Variants in CDCA8 observed in about 807,000 individuals in gnomAD.
The protein encoded by CDCA8 is borealin.
CDCA8 carries 25 observed loss-of-function variants against 40.0 expected under a neutral mutation model. The ratio of observed to expected loss-of-function variants is 0.63; its 90% CI spans 0.46 to 0.87. The LOEUF is 0.87. Among genes scored for constraint, CDCA8 ranks in the 40% least tolerant of loss-of-function variants. The pLI is 0.00. For missense variants in CDCA8, 280 were observed against 348.4 expected, an observed-to-expected ratio of 0.80 and a Z score of 1.56; for synonymous variants, 111 against 126.5, an observed-to-expected ratio of 0.88 and a Z score of 0.82.
At chr1:37,693,849 C>T (rs1453392170) in intron 2 of CDCA8, among the ~76,000 whole-genome samples, 1 of 152,102 alleles carries the variant, frequency 6.6e-6, no homozygotes, top group Non-Finnish European at 1.5e-5. Context: ...TAAAAATGGG[C>T]GCATCAGGCT....
chr1:37,698,896 T>C lies in CDCA8; in HGVS notation c.265-9T>C. The C allele has an allele frequency of 6.2e-7, 1 of 1,607,868 alleles. No homozygotes were observed. The highest frequency in any genetic ancestry group is 8.5e-7 in the Non-Finnish European group (1 of 1,174,504). ...TAAGCCTGGTGCTTTCTGGCTATGT[T>C]TGTCATAGGCTGACCTGGATATCAC... On this transcript the variant is annotated splice_polypyrimidine_tract_variant and intron_variant, in intron 3 of 9. Coordinates refer to ENST00000373055, the MANE Select transcript of CDCA8 (RefSeq NM_001256875.2).
rs1349815078 is a variant in CDCA8 at position 37,709,091 on chromosome 1, A to C, written c.*725A>C. 1 of 152,236 alleles carries C rather than the reference A, an allele frequency of 6.6e-6. No individual in the cohort carries two copies. The highest frequency in any genetic ancestry group is 1.5e-5 in the Non-Finnish European group (1 of 68,122). The allele number at this position is 152,236 out of a possible 1,614,324, so 9.4% of individuals were successfully genotyped here. ...CAGTGTTTTATGTTTATCCCTGTTT[A>C]CTGAAGACCAAATACTGGTTTGGAG... On this transcript the variant is annotated 3_prime_UTR_variant, in exon 10 of 10. Coordinates refer to ENST00000373055, the MANE Select transcript of CDCA8 (RefSeq NM_001256875.2).
At chr1:37,693,423 C>T (rs770113314) in intron 2 of CDCA8, among the ~76,000 whole-genome samples, 1 of 152,172 alleles carries the variant, frequency 6.6e-6, no homozygotes, top group African/African-American at 2.4e-5. Flanking sequence ...GAGTCTCACT[C>T]TGTCACCCAG....
chr1:37,702,951 C>A (rs1232439844), intron 6 of CDCA8, among the ~76,000 whole-genome samples: 221 of 128,330 alleles, frequency 1.7e-3, no homozygotes, highest in Non-Finnish European at 1.8e-3. Flanking sequence ...GACTCCGTCT[C>A]AAAAAAAAAA....
At position 37,708,591 on chromosome 1, in the gene CDCA8, C is replaced by G; in HGVS notation, c.*225C>G. On this transcript the variant is annotated 3_prime_UTR_variant, in exon 10 of 10. Transcript: ENST00000373055. ...CCAGTCACTGCTTGCTGGGGCCATG[C>G]CATGGAAGCTTCCCATCAGTCTCCC... is the stretch of plus-strand genomic sequence containing the variant. 1.8e-6 allele frequency: 1 copy of G among 566,706 alleles called. No homozygotes were observed. The highest frequency in any genetic ancestry group is 3.2e-6 in the Non-Finnish European group (1 of 315,446). 35.1% of individuals were successfully genotyped at this position (566,706 alleles called of 1,614,324 possible). A position where few individuals can be genotyped will look rare whatever the true frequency, so the allele number is the denominator to read the frequency against.
rs1421407589 is a variant in CDCA8, at chr1:37,693,034, G to C, written c.223+1G>C. 1 of 1,613,452 alleles carries C rather than the reference G, an allele frequency of 6.2e-7. No individual in the cohort carries two copies. Among genetic ancestry groups the C allele is most frequent in the Admixed American group, 1.7e-5 (1 of 60,014 alleles). Reference sequence around the variant, plus strand: ...GAGATGAACTGGCTTGACTACTTCGGTAAGAGCTGGAGAGCTTCCCTGGGC... The same window carrying C: ...GAGATGAACTGGCTTGACTACTTCGCTAAGAGCTGGAGAGCTTCCCTGGGC... On this transcript the variant is annotated splice_donor_variant, in intron 2 of 9. Transcript: ENST00000373055. LOFTEE classifies it high-confidence loss of function.
Position 37,705,559 on chromosome 1 carries a change from G to C in CDCA8, c.703G>C (p.Gly235Arg), listed in dbSNP as rs140308075. The C allele has an allele frequency of 6.2e-7, 1 of 1,613,036 alleles. No homozygotes were observed. Among genetic ancestry groups the C allele is most frequent in the Non-Finnish European group, 8.5e-7 (1 of 1,179,926 alleles). ...GATCTTCCTCACTGTGCCAGTGGGC[G>C]GCGGAGAGGTGAAGTATTTCCAAGG... ...KEIFLTVPVG[G>R]GESLRLLASD... Residue 235 changes from glycine to arginine, a missense_variant, in exon 8 of 10, where the codon GGC becomes CGC. Coordinates refer to ENST00000373055, the MANE Select transcript of CDCA8 (RefSeq NM_001256875.2).
intron 7 of CDCA8, 141 bp downstream of exon 7, chr1:37,703,488 G>A (rs1645579088): frequency 1.5e-6 from 1 of 677,724 alleles, no homozygotes; most frequent in Non-Finnish European, 2.7e-6. Flanking sequence ...GGCCGAGGCA[G>A]GCGGATCACT....
In CDCA8 at chr1:37,699,024, C is replaced by G. The variant is rs745882721; in HGVS notation, c.337+47C>G. 6.5e-6 allele frequency: 9 copies of G among 1,378,270 alleles called. No homozygotes were observed. In the African/African-American group the frequency reaches 1.1e-4, roughly 17 times the overall value. The allele number at this position is 1,378,270 out of a possible 1,614,324, so 85.4% of individuals were successfully genotyped here. ...TTGTTGTACAGAAAGAACTGAGGCT[C>G]AGGTTGCTTGGTTGGCTGCTCAGGC... On this transcript the variant is annotated intron_variant, in intron 4 of 9. Coordinates refer to ENST00000373055, the MANE Select transcript of CDCA8 (RefSeq NM_001256875.2).
chr1:37,700,362 T>C, intron 4 of CDCA8, 74 bp from the exon 5 acceptor site: 1 of 849,734 alleles, frequency 1.2e-6, no homozygotes. Flanking sequence ...TACATTTTAT[T>C]CCTATAAGAA....
intron 2 of CDCA8, among the ~76,000 whole-genome samples, chr1:37,694,680 CA>C (rs1645514751): frequency 1.3e-5 from 2 of 152,118 alleles, no homozygotes; most frequent in African/African-American, 4.8e-5. Flanking sequence ...CCCTATTTTT[CA>C]AAATGACAAG....
At position 37,709,460 on chromosome 1, in the gene CDCA8, G is replaced by A. The variant is rs540591737; in HGVS notation, c.*1094G>A. The A allele has an allele frequency of 6.6e-6, 1 of 152,232 alleles. No individual in the cohort carries two copies. The highest frequency in any genetic ancestry group is 1.9e-4 in the East Asian group (1 of 5,182). 9.4% of individuals were successfully genotyped at this position (152,232 alleles called of 1,614,324 possible). ...CATGTGCTATGTTCTAAGAATTTGAGAACTAGAGTCCTCATCCCCAGGCTT... is the reference window on the plus strand; with the variant it reads ...CATGTGCTATGTTCTAAGAATTTGAAAACTAGAGTCCTCATCCCCAGGCTT... On this transcript the variant is annotated 3_prime_UTR_variant, in exon 10 of 10. Transcript: ENST00000373055.
rs1186346792 is a variant in CDCA8, at chr1:37,696,938, A to G, written c.264+988A>G. Among the ~76,000 whole-genome samples the G allele has an allele frequency of 6.6e-6, 1 of 151,992 alleles. No homozygotes were observed. Among genetic ancestry groups the G allele is most frequent in the Non-Finnish European group, 1.5e-5 (1 of 68,000 alleles). ...TTTGGGAGAGAGGTGGGGATTATTC[A>G]CCCCCCTACATACACTGAGCTCCAA... On this transcript the variant is annotated intron_variant, in intron 3 of 9. Transcript: ENST00000373055. This position sits in a 1 kb window ranked among gnomAD's most constrained non-coding sequence, Gnocchi z 5.0.
intron 8 of CDCA8, among the ~76,000 whole-genome samples, chr1:37,706,424 C>T (rs764228716): frequency 1.7e-4 from 26 of 152,186 alleles, no homozygotes; most frequent in Non-Finnish European, 1.9e-4. Flanking sequence ...TGTTCATCAA[C>T]TAACATTTGC....
At chr1:37,701,480 G>A (rs1467996328) in intron 5 of CDCA8, among the ~76,000 whole-genome samples, 1 of 152,078 alleles carries the variant, frequency 6.6e-6, no homozygotes, top group Non-Finnish European at 1.5e-5. Context: ...GTAAAGTAGT[G>A]GGGTACAAGC....
chr1:37,699,221 C>T (rs1051048608), intron 4 of CDCA8, among the ~76,000 whole-genome samples: 1 of 152,016 alleles, frequency 6.6e-6, no homozygotes, highest in Admixed American at 6.6e-5. Flanking sequence ...ACTCAAGACC[C>T]GTGTGCGAGC....
Position 37,695,610 on chromosome 1 carries a change from TA to T in CDCA8, c.224-295del, listed in dbSNP as rs1409895642. ...TAAATAAAATTTAAAATATATTTTT[TA>T]AAAAGAAAAATAAGCAGAATTTTTG... On this transcript the variant is annotated intron_variant, in intron 2 of 9. Coordinates refer to ENST00000373055, the MANE Select transcript of CDCA8 (RefSeq NM_001256875.2). 5.9e-5 allele frequency among the ~76,000 whole-genome samples: 9 copies of T among 152,020 alleles called. 1 individual carries two copies. The East Asian group carries it at 1.3e-3, about 23-fold the overall frequency.
rs766636904 is a variant in CDCA8, at chr1:37,692,684, G to A, written c.-7G>A. ...TCCGCCGCTCCCCGCAGCCTCCGCC[G>A]AGCGCCATGGCTCCTAGGAAGGGCA... On this transcript the variant is annotated 5_prime_UTR_variant, in exon 1 of 10. Coordinates refer to ENST00000373055, the MANE Select transcript of CDCA8 (RefSeq NM_001256875.2). 3 of 1,611,502 alleles carry A rather than the reference G, an allele frequency of 1.9e-6. No homozygotes were observed. In the African/African-American group the frequency reaches 4.0e-5, roughly 22 times the overall value.
At chr1:37,700,553 T>G (rs771038663) in intron 5 of CDCA8, 32 bp downstream of exon 5, 13 of 1,309,350 alleles carry the variant, frequency 9.9e-6, no homozygotes, top group African/African-American at 4.3e-5. Context: ...AGGCTGGGGG[T>G]TATCACAAGA....
Sources: gnomAD v4.1 joint callset for allele counts (sites outside exome capture counted in the v4.1 genomes callset) on GRCh38, gnomAD v4.1.1 for gene constraint, Gnocchi (gnomAD v3.1) non-coding constraint, MANE v1.5 for transcripts, NCBI Gene and HGNC (gene_info 2026-07-23, HGNC 2026-07-21) for gene names.